Variants in TTC7A observed in about 807,000 individuals in gnomAD.
TTC7A encodes tetratricopeptide repeat protein 7A.
In TTC7A, 110 loss-of-function variants were observed where a neutral mutation model predicts 103.7. The ratio of observed to expected loss-of-function variants is 1.06; its 90% CI spans 0.91 to 1.24. TTC7A has a LOEUF of 1.24. Ranked by LOEUF, TTC7A falls within the 50% of genes most tolerant of loss-of-function variation. TTC7A has a pLI of 0.00. For synonymous variants in TTC7A, 521 were observed against 467.9 expected, an observed-to-expected ratio of 1.11 and a Z score of -1.47; for missense variants, 1,340 against 1,116.3, an observed-to-expected ratio of 1.20 and a Z score of -2.86.
At chr2:46,977,508 T>C (rs1673997330) in intron 4 of TTC7A, among the ~76,000 whole-genome samples, 1 of 152,180 alleles carries the variant, frequency 6.6e-6, no homozygotes, top group South Asian at 2.1e-4. Context: ...GTTAATGAGG[T>C]AATTGTTCCT....
chr2:46,951,311 A>AG (rs1558500571), intron 2 of TTC7A, among the ~76,000 whole-genome samples: 1 of 152,040 alleles, frequency 6.6e-6, no homozygotes, highest in African/African-American at 2.4e-5. Context: ...TGCAATTAAG[A>AG]GAAAAAAAAA....
chr2:47,036,662 G>T (rs949983035), intron 15 of TTC7A, among the ~76,000 whole-genome samples: 8 of 152,164 alleles, frequency 5.3e-5, no homozygotes, highest in Non-Finnish European at 2.9e-5. Context: ...TTTGAGAACA[G>T]CCCTGGTAAC....
rs924860958 is a variant in TTC7A at position 46,941,310 on chromosome 2, C to T, written c.-232C>T. ...AGGTTGCTCCTGTACGCGTACGGGC[C>T]GCTCGGCCGGAGCCGCAGCCCGGAG... is the stretch of plus-strand genomic sequence containing the variant. On this transcript the variant is annotated 5_prime_UTR_variant, in exon 1 of 20. Coordinates refer to ENST00000319190, the MANE Select transcript of TTC7A (RefSeq NM_020458.4). This position sits in a 1 kb window ranked among gnomAD's most constrained non-coding sequence, Gnocchi z 4.2. 27 of 194,950 alleles carry T rather than the reference C, an allele frequency of 1.4e-4. No homozygotes were observed. The highest frequency in any genetic ancestry group is 1.6e-4 in the South Asian group (1 of 6,192). 12.1% of individuals were successfully genotyped at this position (194,950 alleles called of 1,614,324 possible). A position where few individuals can be genotyped will look rare whatever the true frequency, so the allele number is the denominator to read the frequency against.
Position 46,920,108 on chromosome 2 carries a change from C to T in TTC7A, c.82+2831C>T, listed in dbSNP as rs546064124. Among the ~76,000 whole-genome samples the T allele has an allele frequency of 4.6e-5, 7 of 152,318 alleles. No individual in the cohort carries two copies. The South Asian group carries it at 1.0e-3, about 23-fold the overall frequency. On this transcript the variant is annotated intron_variant, in intron 2 of 20. Coordinates refer to the TTC7A transcript ENST00000409245. ...TCTTCCGTCCCTGACTTTATCAAAG[C>T]ACACATCACTCCTAATGAAAAGTCT... is the stretch of plus-strand genomic sequence containing the variant.
At chr2:46,930,999 C>T (rs1291437636) in intron 2 of TTC7A, among the ~76,000 whole-genome samples, 2 of 148,794 alleles carry the variant, frequency 1.3e-5, no homozygotes, top group Non-Finnish European at 1.5e-5. Context: ...AAAATTTAGC[C>T]GTATCTCATG....
chr2:46,989,068 C>T (rs554698559), intron 5 of TTC7A, among the ~76,000 whole-genome samples: 5 of 152,290 alleles, frequency 3.3e-5, no homozygotes, highest in South Asian at 4.1e-4. Flanking sequence ...GGAAGGGCTC[C>T]GCGAAACGTG....
intron 4 of TTC7A, among the ~76,000 whole-genome samples, chr2:46,976,933 G>A (rs1473951551): frequency 6.6e-6 from 1 of 152,222 alleles, no homozygotes; most frequent in Non-Finnish European, 1.5e-5. Context: ...CTTTGGCAGA[G>A]GCCACTTAAA....
upstream of TTC7A, among the ~76,000 whole-genome samples, chr2:46,937,017 G>A (rs965570361): frequency 2.0e-5 from 3 of 151,922 alleles, no homozygotes; most frequent in Non-Finnish European, 4.4e-5. The surrounding 1 kb of genome is among the most constrained non-coding windows in gnomAD (Gnocchi z 4.0). Context: ...CACCATGCCA[G>A]GCTAATTTTT....
At chr2:46,965,651 T>G (rs996053209) in intron 3 of TTC7A, among the ~76,000 whole-genome samples, 40 of 149,694 alleles carry the variant, frequency 2.7e-4, no homozygotes, top group African/African-American at 9.6e-4. Context: ...AACCTCTGCC[T>G]CCTGGCTTCA....
intron 15 of TTC7A, among the ~76,000 whole-genome samples, chr2:47,037,617 C>T (rs889271248): frequency 1.3e-5 from 2 of 152,236 alleles, no homozygotes; most frequent in Admixed American, 6.5e-5. Flanking sequence ...TATACTTGAA[C>T]TCCAAGAGCT....
upstream of TTC7A, among the ~76,000 whole-genome samples, chr2:46,940,644 C>T (rs747111523): frequency 8.5e-5 from 13 of 152,252 alleles, no homozygotes; most frequent in Non-Finnish European, 1.9e-4. This position sits in a 1 kb window ranked among gnomAD's most constrained non-coding sequence, Gnocchi z 4.7. Flanking sequence ...GAGGACAGGT[C>T]AACGGGTTAG....
chr2:47,039,358 C>T (rs1681488772), intron 15 of TTC7A, among the ~76,000 whole-genome samples: 1 of 152,166 alleles, frequency 6.6e-6, no homozygotes, highest in African/African-American at 2.4e-5. Context: ...TGTGTGTTTC[C>T]GTGCAGCCAG....
rs763935350 is a variant in TTC7A, at chr2:47,051,882, T to A, written c.2152+2T>A. 1 of 1,606,634 alleles carries A rather than the reference T, an allele frequency of 6.2e-7. No individual in the cohort carries two copies. The highest frequency in any genetic ancestry group is 1.1e-5 in the South Asian group (1 of 90,300). ...TGGAACAGATCTGGCTGCAGGCTGG[T>A]GAGTGCCCTGGTCCCAGTGACACAC... On this transcript the variant is annotated splice_donor_variant, in intron 18 of 19. Coordinates refer to ENST00000319190, the MANE Select transcript of TTC7A (RefSeq NM_020458.4). LOFTEE classifies it high-confidence loss of function.
intron 11 of TTC7A, among the ~76,000 whole-genome samples, chr2:47,018,433 A>G (rs1307716294): frequency 6.6e-6 from 1 of 151,950 alleles, no homozygotes; most frequent in East Asian, 1.9e-4. Context: ...AAATATAAAA[A>G]AATTAACCAG....
At chr2:46,965,642 A>C (rs907564623) in intron 3 of TTC7A, among the ~76,000 whole-genome samples, 1 of 151,008 alleles carries the variant, frequency 6.6e-6, no homozygotes, top group Non-Finnish European at 1.5e-5. Flanking sequence ...GCTCACTGCA[A>C]CCTCTGCCTC....
chr2:47,020,987 G>T (rs1217227753), intron 11 of TTC7A, among the ~76,000 whole-genome samples: 1 of 152,238 alleles, frequency 6.6e-6, no homozygotes, highest in Non-Finnish European at 1.5e-5. Context: ...CCATGGCTTG[G>T]GGCTTTGATG....
At chr2:46,999,399 C>T (rs1003200208) in intron 8 of TTC7A, 1 of 700,746 alleles carries the variant, frequency 1.4e-6, no homozygotes, top group African/African-American at 1.9e-5. Context: ...TTCATCCATC[C>T]AGCCACCTAC....
At chr2:47,027,186 G>A (rs766491451) in intron 14 of TTC7A, among the ~76,000 whole-genome samples, 6 of 152,196 alleles carry the variant, frequency 3.9e-5, no homozygotes, top group African/African-American at 1.4e-4. Context: ...AGCAGTGTGT[G>A]GGGGAGAGGA....
At position 46,978,804 on chromosome 2, in the gene TTC7A, A is replaced by G; in HGVS notation, c.661A>G (p.Ser221Gly). The change falls in exon 5 of 20, where the codon AGC becomes GGC. Residue 221 changes from serine (S) to glycine (G), a missense_variant. Transcript: ENST00000319190. ...LQELEKTTNN[S>G]TSRHLKGCHP... ...TTTCCCTTCCCAGACCACAAATAAC[A>G]GCACGTCGAGGCATCTGAAAGGCTG... 1 of 1,613,836 alleles carries G rather than the reference A, an allele frequency of 6.2e-7. No homozygotes were observed. The highest frequency in any genetic ancestry group is 2.2e-5 in the East Asian group (1 of 44,866).
Sources: gnomAD v4.1 joint callset for allele counts (sites outside exome capture counted in the v4.1 genomes callset) on GRCh38, gnomAD v4.1.1 for gene constraint, Gnocchi (gnomAD v3.1) non-coding constraint, MANE v1.5 for transcripts, NCBI Gene and HGNC (gene_info 2026-07-23, HGNC 2026-07-21) for gene names.